The following TRAPPC10 variants were observed in gnomAD, a reference collection of about 807,000 sequenced individuals.
TRAPPC10 encodes trafficking protein particle complex subunit 10, also known as TRAPP 130 kDa subunit.
A neutral mutation model predicts 125.5 loss-of-function variants in TRAPPC10; 23 were observed. The ratio of observed to expected loss-of-function variants is 0.18; its 90% CI spans 0.13 to 0.26. The LOEUF (loss-of-function observed/expected upper bound fraction) is 0.26, where lower values mean the gene tolerates loss of function less well. Ranked by LOEUF, TRAPPC10 falls within the 10% of genes least tolerant of loss-of-function variation. TRAPPC10 has a pLI of 1.00. For synonymous variants in TRAPPC10, 509 were observed against 518.0 expected (o/e 0.98, Z 0.24); for missense variants, 1,123 against 1,308.4 (o/e 0.86, Z 2.19).
At chr21:44,047,573 C>T (rs556338337) in intron 3 of TRAPPC10, among the ~76,000 whole-genome samples, 1 of 117,822 alleles carries the variant, frequency 8.5e-6, no homozygotes, top group East Asian at 2.7e-4. Context: ...TGTGCGCGCA[C>T]ACGCTACATG....
At chr21:44,033,665 G>A (rs921738840) in intron 2 of TRAPPC10, among the ~76,000 whole-genome samples, 7 of 152,048 alleles carry the variant, frequency 4.6e-5, no homozygotes, top group Non-Finnish European at 8.8e-5. Context: ...GTTCAAGACC[G>A]GCCTGAGCAA....
intron 3 of TRAPPC10, among the ~76,000 whole-genome samples, chr21:44,041,654 G>A (rs959115663): frequency 1.3e-5 from 2 of 152,112 alleles, no homozygotes. Context: ...TTACAGGCGT[G>A]AGCCACCACG....
chr21:44,023,801 C>T (rs557297386), intron 1 of TRAPPC10, among the ~76,000 whole-genome samples: 11 of 152,306 alleles, frequency 7.2e-5, no homozygotes, highest in Admixed American at 3.9e-4. Flanking sequence ...TGTTTTGAGA[C>T]AGGCTCTTAC....
In TRAPPC10 at chr21:44,074,333, C is replaced by A; in HGVS notation, c.1048C>A (p.Pro350Thr). ...ATTTGCACCCCCACAGGTCTCTGTCCCACCTGGTGCTCTGGACTGCTGGGT... is the reference window on the plus strand; with the variant it reads ...ATTTGCACCCCCACAGGTCTCTGTCACACCTGGTGCTCTGGACTGCTGGGT... Reference protein sequence around the residue: ...QELKLLEVSVPPGALDCWVFL... With the variant: ...QELKLLEVSVTPGALDCWVFL... Residue 350 changes from proline to threonine, a missense_variant, in exon 8 of 23, where the codon CCA becomes ACA. Around this residue, in one of 4 missense-constraint regions of TRAPPC10, gnomAD observed 840 missense variants for 902.0 expected, o/e 0.93. Transcript: ENST00000291574. 6.2e-7 allele frequency: 1 copy of A among 1,614,070 alleles called. No individual in the cohort carries two copies. Among genetic ancestry groups the A allele is most frequent in the South Asian group, 1.1e-5 (1 of 91,074 alleles).
intron 2 of TRAPPC10, among the ~76,000 whole-genome samples, chr21:44,036,530 G>A (rs1190828282): frequency 6.6e-6 from 1 of 152,198 alleles, no homozygotes; most frequent in Non-Finnish European, 1.5e-5. Flanking sequence ...AGCCATTCCT[G>A]TCTACCCCAG....
At chr21:44,021,229 T>C (rs770364089) in intron 1 of TRAPPC10, among the ~76,000 whole-genome samples, 4 of 152,180 alleles carry the variant, frequency 2.6e-5, no homozygotes, top group Non-Finnish European at 5.9e-5. Flanking sequence ...GGAGTTGGGC[T>C]GTTTTCATCA....
intron 7 of TRAPPC10, among the ~76,000 whole-genome samples, chr21:44,066,334 C>T (rs1378786515): frequency 4.6e-5 from 7 of 152,284 alleles, no homozygotes; most frequent in South Asian, 4.2e-4. Context: ...GCAAGACGGC[C>T]GGATAGAGGC....
chr21:44,071,476 C>T (rs896422158), intron 7 of TRAPPC10, among the ~76,000 whole-genome samples: 1 of 152,158 alleles, frequency 6.6e-6, no homozygotes, highest in Non-Finnish European at 1.5e-5. Flanking sequence ...TGGAAGGTCT[C>T]GCTGCTGTGG....
intron 3 of TRAPPC10, among the ~76,000 whole-genome samples, chr21:44,047,607 CTG>C (rs1326937454): frequency 1.3e-5 from 2 of 149,730 alleles, no homozygotes; most frequent in East Asian, 4.0e-4. Context: ...CACTGATAAT[CTG>C]TTGATATTTT....
intron 7 of TRAPPC10, among the ~76,000 whole-genome samples, chr21:44,064,334 T>A (rs1315319362): frequency 1.5e-5 from 2 of 132,634 alleles, no homozygotes; most frequent in African/African-American, 6.5e-5. Context: ...TGTGTGTGTG[T>A]GTGTGAGTGT....
At chr21:44,086,985 A>G (rs759816788) in intron 16 of TRAPPC10, 25 bp downstream of exon 16, 2 of 1,612,036 alleles carry the variant, frequency 1.2e-6, no homozygotes, top group Non-Finnish European at 1.7e-6. Context: ...ACCCAGGCCC[A>G]AGGAGGATGC....
At chr21:44,095,396 C>T (rs534443497) in intron 20 of TRAPPC10, among the ~76,000 whole-genome samples, 234 of 152,042 alleles carry the variant, frequency 1.5e-3, no homozygotes, top group African/African-American at 5.2e-3. Context: ...CAGGCATGCA[C>T]CACCACGCCT....
intron 10 of TRAPPC10, 109 bp from the exon 11 acceptor site, chr21:44,077,584 C>G (rs952202391): frequency 1.6e-5 from 14 of 871,546 alleles, no homozygotes; most frequent in African/African-American, 5.1e-5. Context: ...GACTCTGTCT[C>G]AAAACAAAAA....
chr21:44,093,460 A>G (rs1228523361), intron 19 of TRAPPC10, among the ~76,000 whole-genome samples: 2 of 147,278 alleles, frequency 1.4e-5, no homozygotes, highest in Non-Finnish European at 3.0e-5. Flanking sequence ...TCTCTAAAAA[A>G]GGGAAAAAAA....
At chr21:44,094,301 T>TC in intron 20 of TRAPPC10, 68 bp downstream of exon 20, 1 of 1,417,760 alleles carries the variant, frequency 7.1e-7, no homozygotes, top group Non-Finnish European at 9.8e-7. Context: ...TTCTTTATAA[T>TC]CTGAAGAACT....
chr21:44,059,035 A>T lies in TRAPPC10; in HGVS notation c.679-68A>T. The T allele has an allele frequency of 1.7e-6, 2 of 1,200,994 alleles. No individual in the cohort carries two copies. The highest frequency in any genetic ancestry group is 1.2e-6 in the Non-Finnish European group (1 of 863,658). 74.4% of individuals were successfully genotyped at this position (1,200,994 alleles called of 1,614,324 possible). A position where few individuals can be genotyped will look rare whatever the true frequency, so the allele number is the denominator to read the frequency against. On this transcript the variant is annotated intron_variant, in intron 5 of 22. Transcript: ENST00000291574. The surrounding 1 kb of genome is among the most constrained non-coding windows in gnomAD (Gnocchi z 4.4). ...TGCCTTTCTCTGTCGTTTAATGGCT[A>T]CATACTGTTTCTTCTATACATTGAT...
chr21:44,063,191 C>G lies in TRAPPC10; in HGVS notation c.791-347C>G. The G allele has an allele frequency of 1.6e-6, 2 of 1,284,502 alleles. No homozygotes were observed. Among genetic ancestry groups the G allele is most frequent in the Non-Finnish European group, 1.0e-6 (1 of 988,698 alleles). The allele number at this position is 1,284,502 out of a possible 1,614,324, so 79.6% of individuals were successfully genotyped here. On this transcript the variant is annotated intron_variant, in intron 6 of 22. Transcript: ENST00000291574. This position sits in a 1 kb window ranked among gnomAD's most constrained non-coding sequence, Gnocchi z 4.4. ...CAGGTAAAGATAAGGAAGCCCAGCCCCGCTGCAGCCTAAGACTAGAGCCCT... is the reference window on the plus strand; with the variant it reads ...CAGGTAAAGATAAGGAAGCCCAGCCGCGCTGCAGCCTAAGACTAGAGCCCT...
Position 44,039,818 on chromosome 21 carries a change from C to A in TRAPPC10, c.285+1891C>A, listed in dbSNP as rs149064978. 5.9e-3 allele frequency among the ~76,000 whole-genome samples: 899 copies of A among 152,218 alleles called. 26 individuals are homozygous for A. Among genetic ancestry groups the A allele is most frequent in the East Asian group, 0.04 (209 of 5,178 alleles). ...AGTGGAGGTTGCAGTGAGCCGAGAT[C>A]GTGCTACTGCACTCTAGTCTGGGAG... On this transcript the variant is annotated intron_variant, in intron 3 of 22. Coordinates refer to ENST00000291574, the MANE Select transcript of TRAPPC10 (RefSeq NM_003274.5).
chr21:44,045,251 T>G (rs953952432), intron 3 of TRAPPC10, among the ~76,000 whole-genome samples: 18 of 152,002 alleles, frequency 1.2e-4, no homozygotes, highest in African/African-American at 4.4e-4. Context: ...TGTCTCTTCC[T>G]TTGTGCAGAT....
Sources: allele counts gnomAD v4.1 joint callset (sites outside exome capture counted in the v4.1 genomes callset), GRCh38; gene constraint gnomAD v4.1.1; regional missense constraint gnomAD v4.1.1; non-coding constraint Gnocchi (gnomAD v3.1); transcripts MANE v1.5; gene names NCBI Gene and HGNC (gene_info 2026-07-23, HGNC 2026-07-21).